The following YWHAG variants were observed in gnomAD, a reference collection of about 807,000 sequenced individuals.
YWHAG encodes the protein tyrosine 3-monooxygenase/tryptophan 5-monooxygenase activation protein gamma.
In YWHAG, 1 loss-of-function variant was observed where a neutral mutation model predicts 23.3. The ratio of observed to expected loss-of-function variants is 0.04; its 90% CI spans 0.02 to 0.20. YWHAG has a LOEUF of 0.20. Ranked by LOEUF, YWHAG falls within the 10% of genes least tolerant of loss-of-function variation. YWHAG has a pLI of 1.00. For synonymous variants in YWHAG, 160 were observed against 144.0 expected (o/e 1.11, Z -0.80); for missense variants, 151 against 338.6 (o/e 0.45, Z 4.35).
intron 1 of YWHAG, among the ~76,000 whole-genome samples, chr7:76,347,765 A>G (rs1260752424): frequency 6.6e-6 from 1 of 152,216 alleles, no homozygotes; most frequent in East Asian, 1.9e-4. Flanking sequence ...CTTGCTATAC[A>G]AAAGGTTTTC....
At chr7:76,335,949 C>A (rs1803609171) in intron 1 of YWHAG, among the ~76,000 whole-genome samples, 1 of 152,028 alleles carries the variant, frequency 6.6e-6, no homozygotes, top group Non-Finnish European at 1.5e-5. Context: ...TCTGTCCGCA[C>A]CCCCACCACA....
intron 1 of YWHAG, among the ~76,000 whole-genome samples, chr7:76,349,337 CAA>C (rs35871141): frequency 9.4e-4 from 112 of 118,874 alleles, no homozygotes; most frequent in Middle Eastern, 4.7e-3. Flanking sequence ...GACTCTGTCT[CAA>C]AAAAAAAAAA....
chr7:76,351,266 A>G (rs1803868734), intron 1 of YWHAG, among the ~76,000 whole-genome samples: 1 of 152,178 alleles, frequency 6.6e-6, no homozygotes, highest in South Asian at 2.1e-4. Context: ...TCCAAGATCC[A>G]AGATATTCTA....
At chr7:76,348,700 G>T (rs578193477) in intron 1 of YWHAG, among the ~76,000 whole-genome samples, 1 of 150,564 alleles carries the variant, frequency 6.6e-6, no homozygotes, top group Non-Finnish European at 1.5e-5. Flanking sequence ...CACCGCGCCC[G>T]GCCTAATTTT....
rs1283872587 is a variant in YWHAG, at chr7:76,329,385, G to C, written c.*192C>G. 16 of 674,134 alleles carry C rather than the reference G, an allele frequency of 2.4e-5. No individual in the cohort carries two copies. Among genetic ancestry groups the C allele is most frequent in the Non-Finnish European group, 3.7e-5 (15 of 408,576 alleles). 41.8% of individuals were successfully genotyped at this position (674,134 alleles called of 1,614,324 possible). On this transcript the variant is annotated 3_prime_UTR_variant, in exon 2 of 2. Coordinates refer to ENST00000307630, the MANE Select transcript of YWHAG (RefSeq NM_012479.4). This position sits in a 1 kb window ranked among gnomAD's most constrained non-coding sequence, Gnocchi z 6.1. ...AGGCTGCTATTCCAATACCAGCACA[G>C]CTAGCCTGACTTTCCACTAGTGGTA...
At chr7:76,355,037 G>A (rs1428517513) in intron 1 of YWHAG, among the ~76,000 whole-genome samples, 10 of 152,170 alleles carry the variant, frequency 6.6e-5, no homozygotes, top group South Asian at 4.1e-4. Flanking sequence ...CTCCATTATC[G>A]ACACATTCCT....
At chr7:76,330,284 G>A (rs768234902) in intron 1 of YWHAG, 51 bp from the exon 2 acceptor site, 3 of 1,555,486 alleles carry the variant, frequency 1.9e-6, no homozygotes, top group East Asian at 4.5e-5. Context: ...TGTCCACTGG[G>A]TTAACTGTAT....
intron 1 of YWHAG, among the ~76,000 whole-genome samples, chr7:76,343,309 G>A (rs930082800): frequency 4.7e-5 from 7 of 150,398 alleles, no homozygotes; most frequent in Admixed American, 7.2e-5. Flanking sequence ...CATCTGCTCC[G>A]AATGCACATA....
intron 1 of YWHAG, among the ~76,000 whole-genome samples, chr7:76,346,294 C>G (rs1415674345): frequency 6.6e-6 from 1 of 152,232 alleles, no homozygotes; most frequent in Non-Finnish European, 1.5e-5. Flanking sequence ...CTCCCTAGCG[C>G]TTTACACTGT....
intron 1 of YWHAG, among the ~76,000 whole-genome samples, chr7:76,330,724 G>C (rs115682560): frequency 6.6e-6 from 1 of 152,162 alleles, no homozygotes; most frequent in African/African-American, 2.4e-5. Flanking sequence ...TAAACCTCAG[G>C]GAGTCCAAAT....
intron 1 of YWHAG, among the ~76,000 whole-genome samples, chr7:76,354,249 G>C (rs577834327): frequency 5.3e-4 from 81 of 152,144 alleles, no homozygotes; most frequent in Middle Eastern, 3.4e-3. Flanking sequence ...GGTGGCTCAC[G>C]CCTGTAATCC....
chr7:76,354,833 C>T (rs1261513540), intron 1 of YWHAG, among the ~76,000 whole-genome samples: 1 of 152,202 alleles, frequency 6.6e-6, no homozygotes, highest in African/African-American at 2.4e-5. Flanking sequence ...AAAGAGTTAA[C>T]GATTTGCTCA....
At chr7:76,354,797 A>G (rs1353781791) in intron 1 of YWHAG, among the ~76,000 whole-genome samples, 1 of 152,216 alleles carries the variant, frequency 6.6e-6, no homozygotes, top group African/African-American at 2.4e-5. Context: ...AGTCACTAGA[A>G]CACCAGCAAA....
chr7:76,329,489 TCCCTC>T lies in YWHAG; in HGVS notation c.*83_*87del. ...TCCCTGGGAAGGTCATCCCTCCCTT[TCCCTC>T]CCCCACCCGACCCCCAACTCATGGG... is the stretch of plus-strand genomic sequence containing the variant. On this transcript the variant is annotated 3_prime_UTR_variant, in exon 2 of 2. Coordinates refer to ENST00000307630, the MANE Select transcript of YWHAG (RefSeq NM_012479.4). The surrounding 1 kb of genome is among the most constrained non-coding windows in gnomAD (Gnocchi z 6.1). The T allele has an allele frequency of 9.8e-7, 1 of 1,024,226 alleles. No individual in the cohort carries two copies. The highest frequency in any genetic ancestry group is 1.4e-6 in the Non-Finnish European group (1 of 740,082). The allele number at this position is 1,024,226 out of a possible 1,614,324, so 63.4% of individuals were successfully genotyped here. A position where few individuals can be genotyped will look rare whatever the true frequency, so the allele number is the denominator to read the frequency against.
intron 1 of YWHAG, among the ~76,000 whole-genome samples, chr7:76,346,381 C>T (rs1327542290): frequency 6.6e-6 from 1 of 152,228 alleles, no homozygotes; most frequent in Non-Finnish European, 1.5e-5. Flanking sequence ...AAGCGGCTCC[C>T]TCTTGAATGT....
intron 1 of YWHAG, among the ~76,000 whole-genome samples, chr7:76,337,155 C>T (rs926288410): frequency 1.3e-5 from 2 of 152,230 alleles, no homozygotes; most frequent in African/African-American, 4.8e-5. Context: ...AGGCTTCAGT[C>T]TGCTGTCTTT....
chr7:76,353,503 G>A (rs1803903575), intron 1 of YWHAG, among the ~76,000 whole-genome samples: 1 of 152,178 alleles, frequency 6.6e-6, no homozygotes, highest in South Asian at 2.1e-4. Context: ...GAGCCACCGT[G>A]CCTGACCCAG....
intron 1 of YWHAG, among the ~76,000 whole-genome samples, chr7:76,341,061 A>G (rs1362165388): frequency 1.3e-5 from 2 of 152,036 alleles, no homozygotes; most frequent in East Asian, 1.9e-4. Context: ...CCAGCCCCCT[A>G]AAGTGCAGGG....
At position 76,328,639 on chromosome 7, in the gene YWHAG, A is replaced by T. The variant is rs1481638126; in HGVS notation, c.*938T>A. 1.3e-5 allele frequency: 2 copies of T among 152,222 alleles called. No individual in the cohort carries two copies. The highest frequency in any genetic ancestry group is 4.8e-5 in the African/African-American group (2 of 41,440). 9.4% of individuals were successfully genotyped at this position (152,222 alleles called of 1,614,324 possible). The stretch of plus-strand genomic sequence containing the variant: ...GGTGACGGCAGTGTGATCCCTGAGG[A>T]GGGAGCTGCAGCAGCTTCAGAAGCG... On this transcript the variant is annotated 3_prime_UTR_variant, in exon 2 of 2. Coordinates refer to ENST00000307630, the MANE Select transcript of YWHAG (RefSeq NM_012479.4).
Sources: allele counts gnomAD v4.1 joint callset (sites outside exome capture counted in the v4.1 genomes callset), GRCh38; gene constraint gnomAD v4.1.1; non-coding constraint Gnocchi (gnomAD v3.1); transcripts MANE v1.5; gene names NCBI Gene and HGNC (gene_info 2026-07-23, HGNC 2026-07-21).